The following ATP8A1 variants were observed in gnomAD, a reference collection of about 807,000 sequenced individuals.
ATP8A1 encodes phospholipid-transporting ATPase IA.
ATP8A1 carries 90 observed loss-of-function variants against 177.7 expected under a neutral mutation model. The ratio of observed to expected loss-of-function variants is 0.51; its 90% CI spans 0.43 to 0.60. The LOEUF (loss-of-function observed/expected upper bound fraction) is 0.60. Among genes scored for constraint, ATP8A1 ranks in the 20% least tolerant of loss-of-function variants. ATP8A1 has a pLI of 0.00. For synonymous variants in ATP8A1, 493 were observed against 485.9 expected, an observed-to-expected ratio of 1.01 and a Z score of -0.19; for missense variants, 1,072 against 1,392.8, an observed-to-expected ratio of 0.77 and a Z score of 3.67.
intron 30 of ATP8A1, among the ~76,000 whole-genome samples, chr4:42,448,415 T>TTTTTTTTTTTTTTTA: frequency 6.9e-6 from 1 of 144,260 alleles, no homozygotes; most frequent in African/African-American, 2.5e-5. Context: ...TTTTTTTTTT[T>TTTTTTTTTTTTTTTA]GAGATGGAGT....
chr4:42,499,159 G>C lies in ATP8A1; in HGVS notation c.2151+4291C>G, dbSNP rs184079906. ...CATCAACAACAGCAGAGACAATCTAGAAAAACTGCCAGGATGATCAGAAGG... is the reference window on the plus strand; with the variant it reads ...CATCAACAACAGCAGAGACAATCTACAAAAACTGCCAGGATGATCAGAAGG... On this transcript the variant is annotated intron_variant, in intron 24 of 36. Coordinates refer to ENST00000381668, the MANE Select transcript of ATP8A1 (RefSeq NM_006095.2). Among the ~76,000 whole-genome samples, 74 of 152,286 alleles carry C rather than the reference G, an allele frequency of 4.9e-4. 1 individual carries two copies. In the East Asian group the frequency reaches 9.1e-3, roughly 19 times the overall value.
intron 35 of ATP8A1, among the ~76,000 whole-genome samples, chr4:42,421,642 C>G (rs375116094): frequency 1.3e-5 from 2 of 152,234 alleles, no homozygotes; most frequent in East Asian, 3.9e-4. Flanking sequence ...GTTCCTTCAG[C>G]ATAATGAGAG....
At position 42,565,467 on chromosome 4, in the gene ATP8A1, G is replaced by A. The variant is rs1210963811; in HGVS notation, c.1340+3694C>T. On this transcript the variant is annotated intron_variant, in intron 15 of 36. Transcript: ENST00000381668. The stretch of plus-strand genomic sequence containing the variant: ...AAATGAGAAAATAAATAAGACCAGA[G>A]GATAGAAAATACAGTGTAGTACTAT... Among the ~76,000 whole-genome samples, 6 of 152,090 alleles carry A rather than the reference G, an allele frequency of 3.9e-5. No homozygotes were observed. In the East Asian group the frequency reaches 1.2e-3, roughly 29 times the overall value.
At position 42,580,191 on chromosome 4, in the gene ATP8A1, A is replaced by G. The variant is rs185502207; in HGVS notation, c.835-213T>C. ...CACTACACCACCCAGGCCTTTTTCTAGGAAGTAAACTATAAGAAAGAAGAG... is the reference window on the plus strand; with the variant it reads ...CACTACACCACCCAGGCCTTTTTCTGGGAAGTAAACTATAAGAAAGAAGAG... On this transcript the variant is annotated intron_variant, in intron 10 of 36. Coordinates refer to ENST00000381668, the MANE Select transcript of ATP8A1 (RefSeq NM_006095.2). Among the ~76,000 whole-genome samples the G allele has an allele frequency of 1.1e-3, 168 of 152,338 alleles. 3 individuals carry two copies. The highest frequency in any genetic ancestry group is 4.0e-3 in the African/African-American group (165 of 41,584).
intron 15 of ATP8A1, among the ~76,000 whole-genome samples, chr4:42,567,902 G>A (rs893693346): frequency 6.6e-6 from 1 of 152,042 alleles, no homozygotes; most frequent in African/African-American, 2.4e-5. Context: ...TTCTTCTTAG[G>A]AATAACTGAG....
intron 22 of ATP8A1, among the ~76,000 whole-genome samples, chr4:42,519,146 G>T (rs1231568946): frequency 6.6e-6 from 1 of 152,132 alleles, no homozygotes; most frequent in Non-Finnish European, 1.5e-5. Context: ...GGAGTGCAGT[G>T]GTACTTTCAC....
At chr4:42,572,758 G>A (rs963964078) in intron 14 of ATP8A1, among the ~76,000 whole-genome samples, 15 of 152,122 alleles carry the variant, frequency 9.9e-5, no homozygotes, top group Admixed American at 5.2e-4. Flanking sequence ...GTTAGATTTC[G>A]TATCTGGAAA....
rs113573102 is a variant in ATP8A1 at position 42,649,905 on chromosome 4, T to C, written c.49+6920A>G. Among the ~76,000 whole-genome samples, 19 of 152,312 alleles carry C rather than the reference T, an allele frequency of 1.2e-4. 1 individual carries two copies. The highest frequency in any genetic ancestry group is 2.4e-5 in the African/African-American group (1 of 41,568). The stretch of plus-strand genomic sequence containing the variant: ...GTCCTCATGGGGAGCAATATATCAG[T>C]GGACAAACCAGACAAAACCCCCTGC... On this transcript the variant is annotated intron_variant, in intron 1 of 36. Transcript: ENST00000381668.
chr4:42,621,002 T>C (rs1257807210), intron 4 of ATP8A1, among the ~76,000 whole-genome samples: 1 of 152,148 alleles, frequency 6.6e-6, no homozygotes. Flanking sequence ...AAATTAAAGG[T>C]ACTCAATGAT....
chr4:42,533,794 A>AGCAGGTGCTGGTATCC (rs2153202385), intron 20 of ATP8A1, among the ~76,000 whole-genome samples: 1 of 152,258 alleles, frequency 6.6e-6, no homozygotes, highest in South Asian at 2.1e-4. Context: ...CCTCCACCAA[A>AGCAGGTGCTGGTATCC]GCAGGTGCTG....
chr4:42,497,248 C>A (rs931109958), intron 24 of ATP8A1, among the ~76,000 whole-genome samples: 1 of 152,282 alleles, frequency 6.6e-6, no homozygotes, highest in East Asian at 1.9e-4. Context: ...GGAACTGAGA[C>A]AAACACCACC....
intron 14 of ATP8A1, among the ~76,000 whole-genome samples, chr4:42,572,607 G>T (rs1732018799): frequency 6.6e-6 from 1 of 152,080 alleles, no homozygotes; most frequent in Non-Finnish European, 1.5e-5. Context: ...CATGATCACT[G>T]GAAGCAGTTT....
At chr4:42,559,740 G>C (rs949112766) in intron 15 of ATP8A1, among the ~76,000 whole-genome samples, 2 of 152,194 alleles carry the variant, frequency 1.3e-5, no homozygotes, top group Non-Finnish European at 2.9e-5. Flanking sequence ...CAACGGCACA[G>C]TCTTGGCTCA....
chr4:42,581,658 A>G lies in ATP8A1; in HGVS notation c.797T>C (p.Ile266Thr). Residue 266 changes from isoleucine to threonine, a missense_variant, in exon 10 of 37, where the codon ATA (isoleucine) becomes ACA (threonine). Coordinates refer to ENST00000381668, the MANE Select transcript of ATP8A1 (RefSeq NM_006095.2). ...QLRNTQWVHG[I>T]VVYTGHDTKL... ...GGTGTCATGTCCAGTGTAGACAACT[A>G]TTCCATGAACCCACTGTGTATTTCT... 1.2e-6 allele frequency: 2 copies of G among 1,614,158 alleles called. No individual in the cohort carries two copies. Among genetic ancestry groups the G allele is most frequent in the Non-Finnish European group, 1.7e-6 (2 of 1,179,990 alleles).
At chr4:42,433,455 T>A (rs1286795913) in intron 33 of ATP8A1, among the ~76,000 whole-genome samples, 1 of 152,182 alleles carries the variant, frequency 6.6e-6, no homozygotes, top group Non-Finnish European at 1.5e-5. Context: ...AAATCTCAGT[T>A]TAATTGAACT....
At chr4:42,445,547 G>C (rs966002794) in intron 31 of ATP8A1, among the ~76,000 whole-genome samples, 1 of 152,168 alleles carries the variant, frequency 6.6e-6, no homozygotes, top group Admixed American at 6.5e-5. Flanking sequence ...TGTGGTGATG[G>C]AAGTGATGTT....
At chr4:42,489,341 G>C (rs150549371) in intron 24 of ATP8A1, among the ~76,000 whole-genome samples, 1 of 152,092 alleles carries the variant, frequency 6.6e-6, no homozygotes, top group East Asian at 1.9e-4. Flanking sequence ...TGTGGTCCCC[G>C]CTCTCCCTCC....
At chr4:42,600,672 A>C (rs1577677278) in intron 5 of ATP8A1, among the ~76,000 whole-genome samples, 154 bp from the exon 6 acceptor site, 1 of 152,270 alleles carries the variant, frequency 6.6e-6, no homozygotes, top group Non-Finnish European at 1.5e-5. Flanking sequence ...AAGAATATGT[A>C]AACTTACACA....
intron 1 of ATP8A1, among the ~76,000 whole-genome samples, chr4:42,633,355 T>C (rs564614682): frequency 1.3e-5 from 2 of 152,346 alleles, no homozygotes; most frequent in Admixed American, 6.5e-5. Flanking sequence ...ATGAGAGAAG[T>C]ATCATTTCTG....
Sources: allele counts gnomAD v4.1 joint callset (sites outside exome capture counted in the v4.1 genomes callset), GRCh38; gene constraint gnomAD v4.1.1; transcripts MANE v1.5; gene names NCBI Gene and HGNC (gene_info 2026-07-23, HGNC 2026-07-21).